Variants in ZNF385D observed in about 807,000 individuals in gnomAD.
The protein encoded by ZNF385D is zinc finger protein 385D.
Under a neutral mutation model 35.8 loss-of-function variants are expected in ZNF385D, and 15 were observed. The ratio of observed to expected loss-of-function variants is 0.42; its 90% CI spans 0.28 to 0.64. The LOEUF (loss-of-function observed/expected upper bound fraction) is 0.64, where lower values mean the gene tolerates loss of function less well. ZNF385D is among the 30% of genes least tolerant of loss of function. The pLI is 0.23. For synonymous variants in ZNF385D, 212 were observed against 186.8 expected, an observed-to-expected ratio of 1.13 and a Z score of -1.10; for missense variants, 474 against 494.6, an observed-to-expected ratio of 0.96 and a Z score of 0.39.
intron 2 of ZNF385D, among the ~76,000 whole-genome samples, chr3:22,247,485 G>T (rs187940573): frequency 2.5e-4 from 38 of 152,050 alleles, no homozygotes; most frequent in African/African-American, 8.9e-4. Flanking sequence ...TTCATATTTT[G>T]ATGAAGATAT....
chr3:21,619,762 T>C (rs1430037125), intron 2 of ZNF385D, among the ~76,000 whole-genome samples: 1 of 152,110 alleles, frequency 6.6e-6, no homozygotes, highest in East Asian at 1.9e-4. Context: ...CTAGACCTAA[T>C]TGCTAAAGTG....
chr3:22,047,575 A>T (rs1699081101), intron 3 of ZNF385D, among the ~76,000 whole-genome samples: 1 of 152,076 alleles, frequency 6.6e-6, no homozygotes, highest in Non-Finnish European at 1.5e-5. Context: ...AAATGACAGG[A>T]TTTCCTTCCT....
intron 3 of ZNF385D, among the ~76,000 whole-genome samples, chr3:22,097,040 T>C (rs1390607320): frequency 6.6e-6 from 1 of 151,986 alleles, no homozygotes; most frequent in African/African-American, 2.4e-5. Flanking sequence ...AAGGAGAGGA[T>C]CTCTAGGAGA....
intron 3 of ZNF385D, among the ~76,000 whole-genome samples, chr3:22,161,652 A>G (rs1047887351): frequency 9.2e-5 from 14 of 152,250 alleles, no homozygotes; most frequent in Middle Eastern, 3.4e-3. Context: ...AAAAAGATAC[A>G]TTTCTGGCAT....
intron 3 of ZNF385D, among the ~76,000 whole-genome samples, chr3:21,810,291 A>C (rs1030638544): frequency 1.3e-5 from 2 of 152,018 alleles, no homozygotes; most frequent in Non-Finnish European, 2.9e-5. Flanking sequence ...TAATTGATAT[A>C]GAAAAGCACT....
At chr3:21,496,189 A>G (rs1025182811) in intron 4 of ZNF385D, among the ~76,000 whole-genome samples, 9 of 151,212 alleles carry the variant, frequency 6.0e-5, no homozygotes, top group African/African-American at 2.2e-4. Context: ...CTTCTCCCCA[A>G]CTCATTCTAT....
At position 21,886,754 on chromosome 3, in the gene ZNF385D, C is replaced by T. The variant is rs143031703; in HGVS notation, c.326-221726G>A. On this transcript the variant is annotated intron_variant, in intron 3 of 5. Coordinates refer to the ZNF385D transcript ENST00000494108. Reference sequence around the variant, plus strand: ...ATTATAAGCTGATGGGATTTGAGTTCAAATACATGATTAGCATTGACCTCT... The same window carrying T: ...ATTATAAGCTGATGGGATTTGAGTTTAAATACATGATTAGCATTGACCTCT... 4.6e-3 allele frequency among the ~76,000 whole-genome samples: 699 copies of T among 152,190 alleles called. 6 individuals are homozygous for T. Among genetic ancestry groups the T allele is most frequent in the African/African-American group, 0.015 (633 of 41,530 alleles).
intron 1 of ZNF385D, among the ~76,000 whole-genome samples, chr3:21,694,478 C>A (rs2067400743): frequency 6.6e-6 from 1 of 152,184 alleles, no homozygotes; most frequent in Non-Finnish European, 1.5e-5. Context: ...TGGCCTGAAT[C>A]TGCTTTCTCT....
upstream of ZNF385D, among the ~76,000 whole-genome samples, chr3:21,752,534 C>G (rs2070151564): frequency 6.6e-6 from 1 of 152,126 alleles, no homozygotes; most frequent in African/African-American, 2.4e-5. Flanking sequence ...TCTGTGCAAT[C>G]TTGCATAAAA....
intron 4 of ZNF385D, among the ~76,000 whole-genome samples, chr3:21,462,382 C>A (rs1020284612): frequency 6.6e-6 from 1 of 152,118 alleles, no homozygotes; most frequent in Non-Finnish European, 1.5e-5. Context: ...GGATTCACTT[C>A]AGAGCAGATC....
chr3:21,786,937 A>G lies in ZNF385D; in HGVS notation c.326-121909T>C, dbSNP rs190599799. 1.5e-3 allele frequency among the ~76,000 whole-genome samples: 233 copies of G among 152,316 alleles called. 1 individual carries two copies. Among genetic ancestry groups the G allele is most frequent in the African/African-American group, 5.3e-3 (220 of 41,584 alleles). On this transcript the variant is annotated intron_variant, in intron 3 of 5. Coordinates refer to the ZNF385D transcript ENST00000494108. The stretch of plus-strand genomic sequence containing the variant: ...CTACAAAGAAAAAGATGAAAATTTT[A>G]TATTTATTTAAACCTAATAAGAAAA...
At chr3:22,302,259 C>T (rs995775414) in intron 2 of ZNF385D, among the ~76,000 whole-genome samples, 1 of 151,932 alleles carries the variant, frequency 6.6e-6, no homozygotes, top group African/African-American at 2.4e-5. Flanking sequence ...CCTGGGACTC[C>T]ACATCTTCAT....
chr3:22,030,469 G>A (rs541904726), intron 3 of ZNF385D, among the ~76,000 whole-genome samples: 88 of 150,482 alleles, frequency 5.8e-4, no homozygotes, highest in African/African-American at 1.9e-3. Flanking sequence ...GAGGGAGGGA[G>A]AGAGAGAGAC....
At chr3:21,977,814 C>A (rs897599377) in intron 3 of ZNF385D, among the ~76,000 whole-genome samples, 1 of 151,820 alleles carries the variant, frequency 6.6e-6, no homozygotes, top group Non-Finnish European at 1.5e-5. Flanking sequence ...CTAGCCTGGG[C>A]AACAGAGCAA....
chr3:21,986,317 T>G (rs1694800828), intron 3 of ZNF385D, among the ~76,000 whole-genome samples: 1 of 88,934 alleles, frequency 1.1e-5, no homozygotes, highest in Non-Finnish European at 2.0e-5. Flanking sequence ...TGCTATAAAT[T>G]TCCCTCTACA....
chr3:22,136,457 TA>T (rs1017339762), intron 3 of ZNF385D, among the ~76,000 whole-genome samples: 1 of 151,624 alleles, frequency 6.6e-6, no homozygotes, highest in Admixed American at 6.6e-5. Flanking sequence ...AACACATTGC[TA>T]AAAAATGACA....
chr3:21,603,163 C>T (rs543674680), intron 2 of ZNF385D, among the ~76,000 whole-genome samples: 15 of 152,068 alleles, frequency 9.9e-5, no homozygotes, highest in South Asian at 4.2e-4. Flanking sequence ...GACAAGAAGA[C>T]GCATAATAAA....
chr3:21,819,630 TA>T (rs1369396518), intron 3 of ZNF385D, among the ~76,000 whole-genome samples: 1 of 139,968 alleles, frequency 7.1e-6, no homozygotes, highest in Non-Finnish European at 1.5e-5. Flanking sequence ...ATGTATTATA[TA>T]ATTATATATT....
intron 3 of ZNF385D, among the ~76,000 whole-genome samples, chr3:21,814,690 C>T (rs774668814): frequency 2.6e-5 from 4 of 152,264 alleles, no homozygotes; most frequent in Middle Eastern, 3.4e-3. Flanking sequence ...AAGCAAGTCC[C>T]TAGCGACCTC....
Sources: allele counts gnomAD v4.1 joint callset (sites outside exome capture counted in the v4.1 genomes callset), GRCh38; gene constraint gnomAD v4.1.1; transcripts MANE v1.5; gene names NCBI Gene and HGNC (gene_info 2026-07-23, HGNC 2026-07-21).